Variants in ITPR1 observed in about 807,000 individuals in gnomAD.
ITPR1 encodes the protein inositol 1,4,5-trisphosphate-gated calcium channel ITPR1.
ITPR1 carries 96 observed loss-of-function variants against 318.4 expected under a neutral mutation model. The ratio of observed to expected loss-of-function variants is 0.30; its 90% confidence interval spans 0.26 to 0.36. ITPR1 has a LOEUF of 0.36. Among genes scored for constraint, ITPR1 ranks in the 10% least tolerant of loss-of-function variants. The probability of loss-of-function intolerance (pLI) is 1.00; values close to 1 mark genes in which losing one functional copy is unlikely to be tolerated. For synonymous variants in ITPR1, 1,312 were observed against 1,289.9 expected, an observed-to-expected ratio of 1.02 and a Z score of -0.37; for missense variants, 2,440 against 3,460.2, an observed-to-expected ratio of 0.71 and a Z score of 7.40.
intron 3 of ITPR1, among the ~76,000 whole-genome samples, chr3:4,520,026 C>T (rs1386578063): frequency 6.6e-6 from 1 of 152,072 alleles, no homozygotes; most frequent in Non-Finnish European, 1.5e-5. Flanking sequence ...GAGAATAGAA[C>T]AGTAAGGGTC....
intron 23 of ITPR1, 113 bp from the exon 24 acceptor site, chr3:4,676,501 T>C: frequency 1.4e-6 from 1 of 738,420 alleles, no homozygotes; most frequent in South Asian, 1.9e-5. Flanking sequence ...TGAGATTATG[T>C]TGGAATAGGG....
At chr3:4,689,197 A>T (rs1462231040) in intron 31 of ITPR1, among the ~76,000 whole-genome samples, 1 of 152,210 alleles carries the variant, frequency 6.6e-6, no homozygotes, top group Non-Finnish European at 1.5e-5. Flanking sequence ...TGGCCAAATG[A>T]CATTCCATAG....
intron 61 of ITPR1, among the ~76,000 whole-genome samples, chr3:4,837,948 G>A (rs2051050826): frequency 6.6e-6 from 1 of 152,136 alleles, no homozygotes; most frequent in African/African-American, 2.4e-5. Flanking sequence ...ATAGGCATGG[G>A]CCATGTCTGC....
chr3:4,557,216 A>G (rs549734592), intron 4 of ITPR1, among the ~76,000 whole-genome samples: 7 of 152,206 alleles, frequency 4.6e-5, no homozygotes, highest in Non-Finnish European at 7.3e-5. Flanking sequence ...GAGGCTTCAC[A>G]ATCATGGCTG....
intron 42 of ITPR1, among the ~76,000 whole-genome samples, chr3:4,728,457 T>G (rs2042679246): frequency 1.3e-5 from 2 of 152,162 alleles, no homozygotes; most frequent in Non-Finnish European, 2.9e-5. Flanking sequence ...TTTCTTTTAT[T>G]TTTGTGGGTA....
chr3:4,646,086 A>C (rs919026490), intron 10 of ITPR1: 1 of 210,664 alleles, frequency 4.7e-6, no homozygotes, highest in South Asian at 8.9e-5. Flanking sequence ...AATCCCTTCT[A>C]TTGTTTTCTT....
intron 4 of ITPR1, among the ~76,000 whole-genome samples, chr3:4,603,778 A>G (rs1294669872): frequency 1.3e-5 from 2 of 152,096 alleles, no homozygotes; most frequent in Non-Finnish European, 2.9e-5. Context: ...TGTCTTTGCT[A>G]TTGTGAACAG....
Position 4,644,166 on chromosome 3 carries a change from C to T in ITPR1, c.556C>T (p.Pro186Ser). The change falls in exon 8 of 62, where the codon CCC becomes TCC. Residue 186 changes from proline (P) to serine (S), a missense_variant. Physicochemically the swap from Pro to Ser is moderately conservative, Grantham distance 74. Around this residue, in one of 23 missense-constraint regions of ITPR1, gnomAD observed 186 missense variants for 323.9 expected, o/e 0.57. Coordinates refer to ENST00000649015, the MANE Select transcript of ITPR1 (RefSeq NM_001378452.1). ...VVIGDKVVLN[P>S]VNAGQPLHAS... is the part of the protein sequence containing the mutation. ...CATAGGTGACAAGGTGGTTCTGAAC[C>T]CCGTCAATGCTGGTCAGCCCCTACA... The T allele has an allele frequency of 1.2e-6, 2 of 1,612,018 alleles. No individual in the cohort carries two copies. Among genetic ancestry groups the T allele is most frequent in the Non-Finnish European group, 8.5e-7 (1 of 1,179,076 alleles).
intron 4 of ITPR1, among the ~76,000 whole-genome samples, chr3:4,597,774 T>G (rs1487590645): frequency 2.0e-5 from 3 of 152,214 alleles, no homozygotes; most frequent in Non-Finnish European, 2.9e-5. Flanking sequence ...GTGATCCTAT[T>G]TAGCCATTGT....
intron 42 of ITPR1, 58 bp from the exon 43 acceptor site, chr3:4,733,030 C>G: frequency 1.9e-6 from 3 of 1,552,138 alleles, no homozygotes; most frequent in Non-Finnish European, 1.8e-6. Flanking sequence ...TTTGAATATT[C>G]GTCCCTCGGT....
chr3:4,835,098 T>C (rs1375622102), intron 60 of ITPR1, among the ~76,000 whole-genome samples: 2 of 152,258 alleles, frequency 1.3e-5, no homozygotes, highest in African/African-American at 4.8e-5. Flanking sequence ...GCTCACAAAC[T>C]AGTGACTGTG....
In ITPR1 at chr3:4,683,840, G is replaced by C. The variant is rs776385765; in HGVS notation, c.3498+42G>C. On this transcript the variant is annotated intron_variant, in intron 28 of 61. Coordinates refer to ENST00000649015, the MANE Select transcript of ITPR1 (RefSeq NM_001378452.1). ...TTATGCTGCCAAAGTGGATGGATGG[G>C]CTTCTCGAAACTAGGGAGCATCCTC... 1.9e-6 allele frequency: 3 copies of C among 1,573,960 alleles called. No homozygotes were observed. In the East Asian group the frequency reaches 6.8e-5, roughly 36 times the overall value.
At chr3:4,765,582 G>A (rs1178667508) in intron 44 of ITPR1, among the ~76,000 whole-genome samples, 1 of 152,156 alleles carries the variant, frequency 6.6e-6, no homozygotes, top group African/African-American at 2.4e-5. Flanking sequence ...CTTCTGTAGG[G>A]AAGTGCCATC....
intron 44 of ITPR1, among the ~76,000 whole-genome samples, chr3:4,742,482 T>C (rs1041964832): frequency 2.0e-5 from 3 of 152,202 alleles, no homozygotes; most frequent in African/African-American, 7.2e-5. Flanking sequence ...ATCCCACTGG[T>C]TCCTGACTTG....
At chr3:4,732,169 G>GCATTGCCA (rs1188363222) in intron 42 of ITPR1, among the ~76,000 whole-genome samples, 2 of 152,166 alleles carry the variant, frequency 1.3e-5, no homozygotes, top group African/African-American at 2.4e-5. Context: ...TGCTGCCTCT[G>GCATTGCCA]GTTACTGGCT....
At position 4,706,264 on chromosome 3, in the gene ITPR1, C is replaced by T. The variant is rs758191469; in HGVS notation, c.4755C>T (p.Asn1585=). The T allele has an allele frequency of 4.8e-5, 78 of 1,613,924 alleles. No individual in the cohort carries two copies. The highest frequency in any genetic ancestry group is 6.4e-5 in the Non-Finnish European group (75 of 1,179,878). The change falls in exon 37 of 62, where the codon AAC becomes AAT. Residue 1585 remains asparagine (N), a synonymous_variant. Coordinates refer to ENST00000649015, the MANE Select transcript of ITPR1 (RefSeq NM_001378452.1). The stretch of plus-strand genomic sequence containing the variant: ...GCATTGTGCAGAAAACAGCCATGAA[C>T]TGGCGGCTCTCAGCCCGCAATGCCG... ...SHSIVQKTAM[N]WRLSARNAAR...
intron 34 of ITPR1, among the ~76,000 whole-genome samples, chr3:4,698,516 T>C (rs1297564621): frequency 1.3e-5 from 2 of 152,298 alleles, no homozygotes; most frequent in East Asian, 3.9e-4. Context: ...ATCGTAAATA[T>C]GTTCAGCTTT....
At chr3:4,630,111 ATAAAT>A (rs1470780978) in intron 5 of ITPR1, among the ~76,000 whole-genome samples, 7 of 152,214 alleles carry the variant, frequency 4.6e-5, no homozygotes, top group African/African-American at 1.7e-4. Flanking sequence ...AAGGAAAGTA[ATAAAT>A]TATATAGTAA....
intron 7 of ITPR1, 22 bp downstream of exon 7, chr3:4,642,273 A>G (rs1410362870): frequency 6.7e-7 from 1 of 1,494,210 alleles, no homozygotes; most frequent in Non-Finnish European, 8.9e-7. Flanking sequence ...TTCTCCACCT[A>G]GAAAGTCTTC....
Sources: allele counts gnomAD v4.1 joint callset (sites outside exome capture counted in the v4.1 genomes callset), GRCh38; gene constraint gnomAD v4.1.1; regional missense constraint gnomAD v4.1.1; transcripts MANE v1.5; gene names NCBI Gene and HGNC (gene_info 2026-07-23, HGNC 2026-07-21).